TNRC6A: variants seen among roughly 807,000 people sequenced by gnomAD.
TNRC6A encodes the protein trinucleotide repeat-containing gene 6A protein.
A neutral mutation model predicts 221.2 loss-of-function variants in TNRC6A; 44 were observed. The observed-to-expected ratio is 0.20, with a 90% CI of 0.16 to 0.26. The LOEUF is 0.26. Ranked by LOEUF, TNRC6A falls within the 10% of genes least tolerant of loss-of-function variation. The pLI is 1.00. For synonymous variants in TNRC6A, 847 were observed against 838.5 expected (o/e 1.01, Z -0.18); for missense variants, 2,199 against 2,404.4 (o/e 0.91, Z 1.79).
chr16:24,677,875 C>T (rs749889930), intron 2 of TNRC6A, among the ~76,000 whole-genome samples: 46 of 149,818 alleles, frequency 3.1e-4, no homozygotes, highest in African/African-American at 9.4e-4. Flanking sequence ...CCATTGCCCG[C>T]GTGGTTGCTG....
intron 9 of TNRC6A, 28 bp from the exon 10 acceptor site, chr16:24,797,462 A>G (rs758106611): frequency 1.3e-5 from 21 of 1,568,200 alleles, no homozygotes; most frequent in Non-Finnish European, 1.8e-5. Context: ...TGGCCATGGC[A>G]TCTTTTCTAC....
At chr16:24,799,744 A>G (rs1029944880) in intron 11 of TNRC6A, among the ~76,000 whole-genome samples, 9 of 152,196 alleles carry the variant, frequency 5.9e-5, no homozygotes, top group African/African-American at 2.2e-4. Context: ...TTCACTGCCT[A>G]TTCTGTACTT....
At chr16:24,643,057 TAAC>T in intron 2 of TNRC6A, among the ~76,000 whole-genome samples, 2 of 139,024 alleles carry the variant, frequency 1.4e-5, no homozygotes, top group East Asian at 2.0e-4. Context: ...AATATATATA[TAAC>T]ATATATATTA....
chr16:24,759,297 A>G (rs1162955967), intron 4 of TNRC6A, among the ~76,000 whole-genome samples: 1 of 152,172 alleles, frequency 6.6e-6, no homozygotes, highest in Non-Finnish European at 1.5e-5. Flanking sequence ...GGGTTAATTT[A>G]TGTGCTGTTT....
At chr16:24,715,237 T>A (rs1034910355) in intron 2 of TNRC6A, among the ~76,000 whole-genome samples, 1 of 152,098 alleles carries the variant, frequency 6.6e-6, no homozygotes, top group Admixed American at 6.6e-5. Context: ...CTTTTAAAAC[T>A]TTTATTTTTT....
At chr16:24,802,982 A>T (rs1273686215) in intron 11 of TNRC6A, among the ~76,000 whole-genome samples, 1 of 152,210 alleles carries the variant, frequency 6.6e-6, no homozygotes, top group Non-Finnish European at 1.5e-5. Context: ...ATCATTTTTT[A>T]TTGCAGAGCA....
At chr16:24,691,019 C>T (rs112472521) in intron 2 of TNRC6A, among the ~76,000 whole-genome samples, 8 of 152,088 alleles carry the variant, frequency 5.3e-5, no homozygotes, top group African/African-American at 1.9e-4. Flanking sequence ...CCGTGTTAGC[C>T]AGGATTCGTC....
At chr16:24,680,293 T>C (rs114904421) in intron 2 of TNRC6A, among the ~76,000 whole-genome samples, 2,592 of 151,436 alleles carry the variant, frequency 0.017, 75 homozygotes, top group African/African-American at 0.059. Context: ...TGGTAGCATG[T>C]GCCTGTAGTC....
chr16:24,743,132 C>G (rs1018531341), intron 2 of TNRC6A, among the ~76,000 whole-genome samples: 1 of 152,106 alleles, frequency 6.6e-6, no homozygotes. Context: ...TTAGGACTTT[C>G]TGATCCTCAA....
intron 2 of TNRC6A, among the ~76,000 whole-genome samples, chr16:24,700,043 G>T (rs1352179831): frequency 6.6e-6 from 1 of 151,966 alleles, no homozygotes; most frequent in Admixed American, 6.6e-5. Flanking sequence ...TTAGGTTCTG[G>T]GTGCCCAAAG....
At chr16:24,805,488 A>G (rs2058411660) in intron 14 of TNRC6A, 117 bp from the exon 15 acceptor site, 1 of 1,385,096 alleles carries the variant, frequency 7.2e-7, no homozygotes, top group Non-Finnish European at 9.9e-7. Context: ...AAAGACTATA[A>G]CCCCCAATGA....
At chr16:24,778,649 G>A (rs964217428) in intron 5 of TNRC6A, among the ~76,000 whole-genome samples, 3 of 152,092 alleles carry the variant, frequency 2.0e-5, no homozygotes, top group African/African-American at 2.4e-5. Flanking sequence ...TAAGGCTGCT[G>A]TGTAGACTTA....
intron 20 of TNRC6A, among the ~76,000 whole-genome samples, chr16:24,817,697 T>C (rs2058682748): frequency 6.6e-6 from 1 of 152,196 alleles, no homozygotes; most frequent in Non-Finnish European, 1.5e-5. Flanking sequence ...TAAAATACCA[T>C]CTATACCTTT....
rs58299677 is a variant in TNRC6A at position 24,660,739 on chromosome 16, C to CTTTTTTTTTTTTTTTTTTTTTTTTTTTTT, written n.402+19750_402+19751insTTTTTTTTTTTTTTTTTTTTTTTTTTTTT. Among the ~76,000 whole-genome samples, 23 of 91,290 alleles carry CTTTTTTTTTTTTTTTTTTTTTTTTTTTTT rather than the reference C, an allele frequency of 2.5e-4. 1 individual carries two copies. The highest frequency in any genetic ancestry group is 7.4e-4 in the East Asian group (2 of 2,716). 59.9% of individuals were successfully genotyped at this position (91,290 alleles called of 152,430 possible). A position where few individuals can be genotyped will look rare whatever the true frequency, so the allele number is the denominator to read the frequency against. On this transcript the variant is annotated intron_variant and non_coding_transcript_variant, in intron 2 of 2. Transcript: ENST00000566108. The stretch of plus-strand genomic sequence containing the variant: ...TCTTTTTCTTTTTTCTTTTTTTTTT[C>CTTTTTTTTTTTTTTTTTTTTTTTTTTTTT]TTTTTTTTTTTTTTTTTTTTGAGAC...
At chr16:24,738,218 C>T (rs1188750020) in intron 2 of TNRC6A, among the ~76,000 whole-genome samples, 3 of 152,106 alleles carry the variant, frequency 2.0e-5, no homozygotes, top group Non-Finnish European at 4.4e-5. Flanking sequence ...ACCTTTTGCC[C>T]TGTCCCTAAC....
chr16:24,808,137 G>A (rs2058471856), intron 17 of TNRC6A, among the ~76,000 whole-genome samples: 1 of 152,244 alleles, frequency 6.6e-6, no homozygotes, highest in African/African-American at 2.4e-5. Context: ...ACAGTTAGTA[G>A]TAAAAGAATG....
Position 24,806,097 on chromosome 16 carries a change from A to G in TNRC6A, c.4252-109A>G. 11 of 1,189,590 alleles carry G rather than the reference A, an allele frequency of 9.2e-6. No homozygotes were observed. In the South Asian group the frequency reaches 1.6e-4, roughly 17 times the overall value. 73.7% of individuals were successfully genotyped at this position (1,189,590 alleles called of 1,614,324 possible). A position where few individuals can be genotyped will look rare whatever the true frequency, so the allele number is the denominator to read the frequency against. On this transcript the variant is annotated intron_variant, in intron 15 of 24. Transcript: ENST00000395799. ...ACTAGATAATGCTAGACATGTTGGCATTGGCTAGATCACGTCGTGCCTCTG... is the reference window on the plus strand; with the variant it reads ...ACTAGATAATGCTAGACATGTTGGCGTTGGCTAGATCACGTCGTGCCTCTG...
At chr16:24,782,957 A>T (rs980254329) in intron 5 of TNRC6A, among the ~76,000 whole-genome samples, 2 of 152,202 alleles carry the variant, frequency 1.3e-5, no homozygotes, top group African/African-American at 4.8e-5. Context: ...CCTTGGAAAC[A>T]TTGTAAAACA....
At chr16:24,801,682 G>C (rs1188309399) in intron 11 of TNRC6A, among the ~76,000 whole-genome samples, 3 of 152,068 alleles carry the variant, frequency 2.0e-5, no homozygotes, top group African/African-American at 7.2e-5. Flanking sequence ...TAGAGACAGG[G>C]TTTCACCGTG....
Sources: gnomAD v4.1 joint callset for allele counts (sites outside exome capture counted in the v4.1 genomes callset) on GRCh38, gnomAD v4.1.1 for gene constraint, MANE v1.5 for transcripts, NCBI Gene and HGNC (gene_info 2026-07-23, HGNC 2026-07-21) for gene names.